KCNQ5: variants seen among roughly 807,000 people sequenced by gnomAD.
KCNQ5 encodes the protein potassium voltage-gated channel subfamily KQT member 5.
A neutral mutation model predicts 98.2 loss-of-function variants in KCNQ5; 30 were observed. The ratio of observed to expected loss-of-function variants is 0.31; its 90% CI spans 0.23 to 0.41. The LOEUF (loss-of-function observed/expected upper bound fraction) is 0.41, where lower values mean the gene tolerates loss of function less well. Among genes scored for constraint, KCNQ5 ranks in the 10% least tolerant of loss-of-function variants. KCNQ5 has a pLI of 1.00. For missense variants in KCNQ5, 835 were observed against 1,182.5 expected (o/e 0.71, Z 4.31); for synonymous variants, 458 against 449.4 (o/e 1.02, Z -0.24).
intron 1 of KCNQ5, among the ~76,000 whole-genome samples, chr6:72,627,273 G>T (rs1050143916): frequency 3.9e-5 from 6 of 152,150 alleles, no homozygotes; most frequent in Admixed American, 6.5e-5. Flanking sequence ...AAATGAGATA[G>T]TCCAAAGAAT....
intron 1 of KCNQ5, among the ~76,000 whole-genome samples, chr6:72,698,775 A>ATCCTGAG (rs1768649749): frequency 6.7e-6 from 1 of 149,302 alleles, no homozygotes; most frequent in South Asian, 2.1e-4. Flanking sequence ...CTGTCTCAGC[A>ATCCTGAG]TCCTGAGTAG....
chr6:72,848,249 A>G (rs1263566769), intron 1 of KCNQ5, among the ~76,000 whole-genome samples: 1 of 151,952 alleles, frequency 6.6e-6, no homozygotes. Flanking sequence ...CAGGTTTGTT[A>G]CATAGGTATA....
chr6:72,754,753 T>C (rs1325184981), intron 1 of KCNQ5, among the ~76,000 whole-genome samples: 1 of 152,056 alleles, frequency 6.6e-6, no homozygotes, highest in Non-Finnish European at 1.5e-5. Flanking sequence ...AATGTACACA[T>C]GAAAACAATG....
chr6:72,841,479 G>GGA (rs1776789563), intron 1 of KCNQ5, among the ~76,000 whole-genome samples: 1 of 151,822 alleles, frequency 6.6e-6, no homozygotes, highest in South Asian at 2.1e-4. Flanking sequence ...CAACTGGAGT[G>GGA]GATAATTTAG....
At chr6:72,693,475 C>G (rs1236279006) in intron 1 of KCNQ5, among the ~76,000 whole-genome samples, 1 of 152,018 alleles carries the variant, frequency 6.6e-6, no homozygotes, top group African/African-American at 2.4e-5. Context: ...CAAAACATAA[C>G]AAAGCTGTTA....
intron 1 of KCNQ5, among the ~76,000 whole-genome samples, chr6:72,999,344 A>C (rs143961781): frequency 6.6e-6 from 1 of 152,306 alleles, no homozygotes; most frequent in Non-Finnish European, 1.5e-5. Context: ...TACAATAATC[A>C]GTGCCTTCCA....
At chr6:72,831,820 T>G (rs1776287291) in intron 1 of KCNQ5, among the ~76,000 whole-genome samples, 1 of 152,024 alleles carries the variant, frequency 6.6e-6, no homozygotes, top group South Asian at 2.1e-4. Flanking sequence ...AGGGTTAAAC[T>G]GGAGTACAGA....
intron 1 of KCNQ5, among the ~76,000 whole-genome samples, chr6:72,746,512 G>A (rs1000051726): frequency 6.6e-5 from 10 of 152,168 alleles, no homozygotes; most frequent in Non-Finnish European, 1.5e-5. Context: ...ACTAATGGGA[G>A]TAGTCATTGA....
chr6:73,082,560 C>T (rs2150396440), intron 5 of KCNQ5, among the ~76,000 whole-genome samples: 1 of 152,254 alleles, frequency 6.6e-6, no homozygotes, highest in African/African-American at 2.4e-5. Context: ...TGTAAAGATC[C>T]ATCTCTCTAT....
chr6:73,145,890 G>A (rs1281259453), intron 10 of KCNQ5, among the ~76,000 whole-genome samples: 3 of 152,164 alleles, frequency 2.0e-5, no homozygotes, highest in African/African-American at 7.2e-5. Context: ...GAGCGAAAGG[G>A]AAGGAAGCGT....
intron 2 of KCNQ5, among the ~76,000 whole-genome samples, chr6:73,035,396 A>G (rs1771366430): frequency 6.6e-6 from 1 of 152,230 alleles, no homozygotes; most frequent in Non-Finnish European, 1.5e-5. Context: ...GCTTTCCTCC[A>G]AACAAGTCAA....
At chr6:72,638,890 T>C (rs1485362494) in intron 1 of KCNQ5, among the ~76,000 whole-genome samples, 4 of 152,080 alleles carry the variant, frequency 2.6e-5, no homozygotes, top group Non-Finnish European at 5.9e-5. Context: ...AAACGGAGAA[T>C]AGGAGAAAAT....
chr6:72,624,815 T>C (rs2098917252), intron 1 of KCNQ5, among the ~76,000 whole-genome samples: 1 of 152,208 alleles, frequency 6.6e-6, no homozygotes, highest in Non-Finnish European at 1.5e-5. Flanking sequence ...TTTGGGAGGA[T>C]TGTGCACAAC....
intron 1 of KCNQ5, among the ~76,000 whole-genome samples, chr6:72,721,200 AACAGT>A (rs1436455737): frequency 6.6e-6 from 1 of 152,248 alleles, no homozygotes; most frequent in African/African-American, 2.4e-5. Context: ...TAGTGTTTAG[AACAGT>A]ACTCAGCACA....
chr6:72,939,418 C>A (rs1766119065), intron 1 of KCNQ5, among the ~76,000 whole-genome samples: 1 of 152,178 alleles, frequency 6.6e-6, no homozygotes. Context: ...CACCCTTACT[C>A]TGGGTTTGAA....
At chr6:73,044,017 C>T (rs934354994) in intron 3 of KCNQ5, among the ~76,000 whole-genome samples, 1 of 152,168 alleles carries the variant, frequency 6.6e-6, no homozygotes, top group African/African-American at 2.4e-5. Flanking sequence ...CTGGCGCAGT[C>T]ACTCCTGCCT....
At chr6:72,727,198 A>G (rs1450566752) in intron 1 of KCNQ5, among the ~76,000 whole-genome samples, 1 of 152,236 alleles carries the variant, frequency 6.6e-6, no homozygotes, top group African/African-American at 2.4e-5. Flanking sequence ...CATGGGGGCA[A>G]GAGGGACAAA....
At chr6:72,857,782 A>G (rs1777592623) in intron 1 of KCNQ5, among the ~76,000 whole-genome samples, 1 of 152,240 alleles carries the variant, frequency 6.6e-6, no homozygotes, top group Non-Finnish European at 1.5e-5. Flanking sequence ...ATAGCTCAAT[A>G]CGTATGCAAG....
intron 10 of KCNQ5, among the ~76,000 whole-genome samples, chr6:73,144,075 T>A (rs1582438434): frequency 6.6e-6 from 1 of 152,254 alleles, no homozygotes; most frequent in African/African-American, 2.4e-5. Flanking sequence ...ATTTAATCGC[T>A]TTCATGGTGT....
Sources: allele counts gnomAD v4.1 joint callset (sites outside exome capture counted in the v4.1 genomes callset), GRCh38; gene constraint gnomAD v4.1.1; transcripts MANE v1.5; gene names NCBI Gene and HGNC (gene_info 2026-07-23, HGNC 2026-07-21).